Variants in NPEPL1 observed in about 807,000 individuals in gnomAD.
NPEPL1 encodes probable aminopeptidase NPEPL1.
NPEPL1 carries 45 observed loss-of-function variants against 52.4 expected under a neutral mutation model. That is an observed-to-expected ratio of 0.86 (90% CI 0.68 to 1.10). The LOEUF (loss-of-function observed/expected upper bound fraction) is 1.10. Among genes scored for constraint, NPEPL1 ranks in the 50% least tolerant of loss-of-function variants. NPEPL1 has a pLI of 0.00. For missense variants in NPEPL1, 696 were observed against 710.9 expected (o/e 0.98, Z 0.24); for synonymous variants, 360 against 314.7 (o/e 1.14, Z -1.52).
At chr20:58,694,995 T>G (rs948781149) in intron 3 of NPEPL1, among the ~76,000 whole-genome samples, 32 of 144,614 alleles carry the variant, frequency 2.2e-4, no homozygotes, top group African/African-American at 3.1e-4. Context: ...GTGTGGGGGG[T>G]GTGTGTGTGC....
At chr20:58,706,195 C>T (rs1002092440) in intron 6 of NPEPL1, among the ~76,000 whole-genome samples, 1 of 152,114 alleles carries the variant, frequency 6.6e-6, no homozygotes, top group African/African-American at 2.4e-5. Context: ...CTCTTTAGAC[C>T]CAGGTTAACC....
chr20:58,701,081 G>C lies in NPEPL1; in HGVS notation c.745G>C (p.Asp249His), dbSNP rs1401435805. The C allele has an allele frequency of 6.3e-7, 1 of 1,596,496 alleles. No individual in the cohort carries two copies. Among genetic ancestry groups the C allele is most frequent in the Admixed American group, 1.7e-5 (1 of 57,802 alleles). ...CCTGGCCGTCCTCAGCCACACCCCA[G>C]ATGGAGCCACGCAGACCATCGCCTG... ...PALAVLSHTPDGATQTIAWVG... is the reference protein window; with the variant it reads ...PALAVLSHTPHGATQTIAWVG... Residue 249 changes from aspartate (D) to histidine (H), a missense_variant, in exon 6 of 12, where the codon GAT (aspartate) becomes CAT (histidine). Physicochemically the swap from Asp to His is moderately conservative, Grantham distance 81. Transcript: ENST00000356091.
intron 6 of NPEPL1, among the ~76,000 whole-genome samples, chr20:58,706,483 G>T (rs1407243947): frequency 6.6e-6 from 1 of 152,186 alleles, no homozygotes; most frequent in Non-Finnish European, 1.5e-5. Flanking sequence ...GCCCTGTTCT[G>T]GGGGGCGACA....
chr20:58,713,296 G>T lies in NPEPL1; in HGVS notation c.1002-124G>T. On this transcript the variant is annotated intron_variant, in intron 8 of 11. Coordinates refer to ENST00000356091, the MANE Select transcript of NPEPL1 (RefSeq NM_024663.4). The surrounding 1 kb of genome is among the most constrained non-coding windows in gnomAD (Gnocchi z 4.6). ...ATCCCGGCCTTCCCATTCAGGGAAC[G>T]TGTTGGGGTTCGGGGAGCCACAGGG... 3.1e-6 allele frequency: 4 copies of T among 1,284,050 alleles called. No homozygotes were observed. The East Asian group carries it at 7.7e-5, about 25-fold the overall frequency. 79.5% of individuals were successfully genotyped at this position (1,284,050 alleles called of 1,614,324 possible).
chr20:58,692,601 GGGCGGC>G (rs1432308630), upstream of NPEPL1: 2 of 150,016 alleles, frequency 1.3e-5, no homozygotes, highest in Non-Finnish European at 2.8e-5. The surrounding 1 kb of genome is among the most constrained non-coding windows in gnomAD (Gnocchi z 5.7). Context: ...CTAGGCCCAG[GGGCGGC>G]GCCGCTGGAG....
Position 58,694,565 on chromosome 20 carries a change from C to T in NPEPL1, c.480C>T (p.Asn160=), listed in dbSNP as rs762354761. The part of the protein sequence containing the change: ...TVEFFLVGQD[N]GPVEVSTLQC... ...AGTTTTTCCTGGTGGGACAAGACAACGGGCCGGTGGAGGTGTCCACATTGC... is the reference window on the plus strand; with the variant it reads ...AGTTTTTCCTGGTGGGACAAGACAATGGGCCGGTGGAGGTGTCCACATTGC... Residue 160 remains asparagine (N), a synonymous_variant, in exon 3 of 12, where the codon AAC becomes AAT. Coordinates refer to ENST00000356091, the MANE Select transcript of NPEPL1 (RefSeq NM_024663.4). 6 of 1,613,460 alleles carry T rather than the reference C, an allele frequency of 3.7e-6. No individual in the cohort carries two copies. The highest frequency in any genetic ancestry group is 4.5e-5 in the East Asian group (2 of 44,878).
intron 7 of NPEPL1, chr20:58,711,614 CCAGGGAGGTCT>C (rs1320518882): frequency 3.3e-5 from 5 of 152,498 alleles, no homozygotes; most frequent in Non-Finnish European, 5.9e-5. Context: ...GAGCGGGGAC[CCAGGGAGGTCT>C]CAGGGACTCG....
rs545810451 is a variant in NPEPL1, at chr20:58,714,430, G to GCCTCCCCACACGCTC, written c.1303-123_1303-109dup. 3,389 of 664,542 alleles carry GCCTCCCCACACGCTC rather than the reference G, an allele frequency of 5.1e-3. 20 individuals carry two copies. Among genetic ancestry groups the GCCTCCCCACACGCTC allele is most frequent in the Non-Finnish European group, 6.4e-3 (2,567 of 401,260 alleles). The allele number at this position is 664,542 out of a possible 1,614,324, so 41.2% of individuals were successfully genotyped here. On this transcript the variant is annotated intron_variant, in intron 10 of 11. Coordinates refer to ENST00000356091, the MANE Select transcript of NPEPL1 (RefSeq NM_024663.4). ...AGGCCCTCCCAGCCCAGCTTCTGCT[G>GCCTCCCCACACGCTC]CCTCCCCACACGCTCCCTCCCAGCC...
intron 5 of NPEPL1, among the ~76,000 whole-genome samples, chr20:58,700,131 T>C (rs1001059324): frequency 1.3e-5 from 2 of 152,158 alleles, no homozygotes; most frequent in African/African-American, 4.8e-5. Flanking sequence ...CCGAGCAAGG[T>C]CTCTGAGCGA....
chr20:58,713,302 G>A lies in NPEPL1; in HGVS notation c.1002-118G>A. On this transcript the variant is annotated intron_variant, in intron 8 of 11. Transcript: ENST00000356091. The surrounding 1 kb of genome is among the most constrained non-coding windows in gnomAD (Gnocchi z 4.6). ...GCCTTCCCATTCAGGGAACGTGTTG[G>A]GGTTCGGGGAGCCACAGGGATGGGC... The A allele has an allele frequency of 7.5e-7, 1 of 1,340,824 alleles. No homozygotes were observed. The highest frequency in any genetic ancestry group is 1.5e-5 in the South Asian group (1 of 67,722). 83.1% of individuals were successfully genotyped at this position (1,340,824 alleles called of 1,614,324 possible).
chr20:58,703,164 A>G lies in NPEPL1; in HGVS notation c.822+2006A>G, dbSNP rs2084668724. Among the ~76,000 whole-genome samples the G allele has an allele frequency of 2.0e-5, 3 of 152,342 alleles. No individual in the cohort carries two copies. The South Asian group carries it at 6.2e-4, about 32-fold the overall frequency. ...AGCGATTCTCAGAAGGAATGTGGGT[A>G]GTAGATTTTGTGTCGGGTCATTGCT... is the stretch of plus-strand genomic sequence containing the variant. On this transcript the variant is annotated intron_variant, in intron 6 of 11. Coordinates refer to ENST00000356091, the MANE Select transcript of NPEPL1 (RefSeq NM_024663.4).
chr20:58,712,099 C>CTG (rs1491240612), intron 7 of NPEPL1, among the ~76,000 whole-genome samples: 1 of 102,552 alleles, frequency 9.8e-6, no homozygotes, highest in Non-Finnish European at 2.3e-5. Flanking sequence ...CTTCCTGCCC[C>CTG]TCTGTGTGTG....
rs1396227386 is a variant in NPEPL1 at position 58,693,814 on chromosome 20, G to T, written c.228G>T (p.Val76=). The T allele has an allele frequency of 6.2e-7, 1 of 1,613,696 alleles. No homozygotes were observed. The highest frequency in any genetic ancestry group is 8.5e-7 in the Non-Finnish European group (1 of 1,179,842). The change falls in exon 2 of 12, where the codon GTG becomes GTT. Residue 76 remains valine, a synonymous_variant. Transcript: ENST00000356091. ...CCCTCTACCTGAACTACGCCACCGT[G>T]GCTGCCCTGCCCTGCAGGGTGAGCC... ...SCPLYLNYAT[V]AALPCRVSRH... is the part of the protein sequence containing the mutation.
chr20:58,714,407 G>A, intron 10 of NPEPL1, 153 bp from the exon 11 acceptor site: 1 of 624,232 alleles, frequency 1.6e-6, no homozygotes, highest in Non-Finnish European at 2.7e-6. Flanking sequence ...CATGGTCAAG[G>A]CCCTCCCAGC....
intron 6 of NPEPL1, chr20:58,704,135 G>A (rs902197136): frequency 9.0e-5 from 89 of 985,340 alleles, no homozygotes; most frequent in Middle Eastern, 5.2e-4. Context: ...ACCTGAAGGC[G>A]CTCACAATCT....
chr20:58,691,076 C>T (rs1370445088), upstream of NPEPL1: 3 of 702,788 alleles, frequency 4.3e-6, no homozygotes, highest in Non-Finnish European at 7.8e-6. Context: ...ATCTCTTCGC[C>T]TGTGGAAGTC....
chr20:58,699,416 G>T (rs879593796), intron 5 of NPEPL1, 138 bp downstream of exon 5: 17 of 696,782 alleles, frequency 2.4e-5, no homozygotes, highest in Non-Finnish European at 3.8e-5. Flanking sequence ...ATCAGCCTGT[G>T]TCCAAGCCCA....
rs750027613 is a variant in NPEPL1 at position 58,693,872 on chromosome 20, A to T, written c.286A>T (p.Thr96Ser). The change falls in exon 2 of 12, where the codon ACG becomes TCG. Residue 96 changes from threonine to serine, a missense_variant. Physicochemically the swap from Thr to Ser is moderately conservative, Grantham distance 58. Coordinates refer to ENST00000356091, the MANE Select transcript of NPEPL1 (RefSeq NM_024663.4). ...HNSPSAAHFI[T>S]RLVRTCLPPG... The stretch of plus-strand genomic sequence containing the variant: ...CAGCCCCTCGGCCGCCCACTTCATC[A>T]CGCGGCTGGTGCGGACCTGCCTGCC... 6.2e-7 allele frequency: 1 copy of T among 1,613,110 alleles called. No individual in the cohort carries two copies.
chr20:58,714,387 C>T, intron 10 of NPEPL1, 173 bp from the exon 11 acceptor site: 1 of 611,448 alleles, frequency 1.6e-6, no homozygotes, highest in Middle Eastern at 4.4e-4. Flanking sequence ...TGGGGGCAGA[C>T]TCCTTAGCTC....
Sources: allele counts gnomAD v4.1 joint callset (sites outside exome capture counted in the v4.1 genomes callset), GRCh38; gene constraint gnomAD v4.1.1; non-coding constraint Gnocchi (gnomAD v3.1); transcripts MANE v1.5; gene names NCBI Gene and HGNC (gene_info 2026-07-23, HGNC 2026-07-21).